HDGFL3: variants seen among roughly 807,000 people sequenced by gnomAD.
The protein encoded by HDGFL3 is hepatoma-derived growth factor-related protein 3.
A neutral mutation model predicts 27.6 loss-of-function variants in HDGFL3; 6 were observed. The ratio of observed to expected loss-of-function variants is 0.22; its 90% confidence interval spans 0.12 to 0.43. The LOEUF (loss-of-function observed/expected upper bound fraction) is 0.43, where lower values mean the gene tolerates loss of function less well. Among genes scored for constraint, HDGFL3 ranks in the 20% least tolerant of loss-of-function variants. HDGFL3 has a pLI of 1.00. For missense variants in HDGFL3, 207 were observed against 250.1 expected, an observed-to-expected ratio of 0.83 and a Z score of 1.16; for synonymous variants, 88 against 88.9, an observed-to-expected ratio of 0.99 and a Z score of 0.05.
intron 3 of HDGFL3, among the ~76,000 whole-genome samples, chr15:83,118,642 G>A (rs892512209): frequency 6.6e-6 from 1 of 152,144 alleles, no homozygotes; most frequent in Non-Finnish European, 1.5e-5. Flanking sequence ...AGAAAGCCCT[G>A]CTTGCTTGGC....
intron 4 of HDGFL3, among the ~76,000 whole-genome samples, chr15:83,151,717 G>A (rs1325869571): frequency 6.6e-6 from 1 of 152,126 alleles, no homozygotes; most frequent in African/African-American, 2.4e-5. Flanking sequence ...AGAAGTGGAA[G>A]GTACCCTAAA....
At chr15:83,139,589 A>G (rs1458273104) in intron 5 of HDGFL3, among the ~76,000 whole-genome samples, 2 of 152,192 alleles carry the variant, frequency 1.3e-5, no homozygotes, top group African/African-American at 4.8e-5. Context: ...TTATTGCTGG[A>G]ATACATCATC....
At chr15:83,176,011 T>C (rs1411921753) in intron 1 of HDGFL3, among the ~76,000 whole-genome samples, 3 of 152,272 alleles carry the variant, frequency 2.0e-5, no homozygotes, top group East Asian at 1.9e-4. Context: ...AATGGGATGA[T>C]AGGTACCTAA....
chr15:83,113,016 G>A, exon 4 of HDGFL3: 4 of 859,634 alleles, frequency 4.7e-6, no homozygotes, highest in Middle Eastern at 2.3e-4. Flanking sequence ...AACAGTGGCT[G>A]CAAGTGTAGG....
chr15:83,122,951 T>C (rs895947910), downstream of HDGFL3: 9 of 1,558,852 alleles, frequency 5.8e-6, no homozygotes, highest in African/African-American at 1.4e-5. Context: ...GGCCACTGAA[T>C]TGAACCATGC....
chr15:83,121,930 T>G, intron 3 of HDGFL3: 1 of 1,606,560 alleles, frequency 6.2e-7, no homozygotes, highest in Non-Finnish European at 8.5e-7. Context: ...GGGAAACTTA[T>G]AGAACCATTG....
chr15:83,161,695 G>T (rs567448590), intron 2 of HDGFL3, among the ~76,000 whole-genome samples: 1 of 152,172 alleles, frequency 6.6e-6, no homozygotes, highest in African/African-American at 2.4e-5. Context: ...CCGGCAAGAG[G>T]GAGCCTGAAT....
intron 1 of HDGFL3, among the ~76,000 whole-genome samples, chr15:83,188,876 G>T (rs1210635100): frequency 3.3e-5 from 5 of 152,034 alleles, no homozygotes; most frequent in African/African-American, 9.7e-5. Context: ...GTGTCTCACT[G>T]GCATTTCTAA....
chr15:83,122,048 T>A (rs1188032254), intron 3 of HDGFL3: 5 of 1,442,966 alleles, frequency 3.5e-6, no homozygotes, highest in Admixed American at 1.8e-5. Context: ...TCTAAAACAA[T>A]GGGGCTTGTT....
chr15:83,177,520 T>A, intron 1 of HDGFL3, among the ~76,000 whole-genome samples: 1 of 152,344 alleles, frequency 6.6e-6, no homozygotes, highest in East Asian at 1.9e-4. Context: ...GACACACTTT[T>A]AAAAAATTTC....
chr15:83,178,849 A>C (rs145914412), intron 1 of HDGFL3, among the ~76,000 whole-genome samples: 2 of 152,136 alleles, frequency 1.3e-5, no homozygotes. Flanking sequence ...AACTCTTCCA[A>C]TGTCACTGAG....
chr15:83,136,457 A>G lies in HDGFL3; in HGVS notation c.*2813T>C, dbSNP rs1567161942. Reference sequence around the variant, plus strand: ...ACTGAACACGTTTCATGCTTACTCAATTTTTTTTTTTTAAATGCAACAGGC... The same window carrying G: ...ACTGAACACGTTTCATGCTTACTCAGTTTTTTTTTTTTAAATGCAACAGGC... On this transcript the variant is annotated 3_prime_UTR_variant, in exon 6 of 6. Coordinates refer to ENST00000299633, the MANE Select transcript of HDGFL3 (RefSeq NM_016073.4). The G allele has an allele frequency of 2.6e-6, 3 of 1,157,836 alleles. No homozygotes were observed. The highest frequency in any genetic ancestry group is 3.6e-6 in the Non-Finnish European group (3 of 843,924). 71.7% of individuals were successfully genotyped at this position (1,157,836 alleles called of 1,614,324 possible).
At position 83,113,259 on chromosome 15, in the gene HDGFL3, T is replaced by C. The variant is rs7173386; in HGVS notation, c.*2450A>G. On this transcript the variant is annotated 3_prime_UTR_variant, in exon 4 of 4. Coordinates refer to the HDGFL3 transcript ENST00000568294. ...CAGTCCCCCCCACTTAGTGCAGAAC[T>C]TAACTGTGTGGTGTCTGGGTCTGCA... is the stretch of plus-strand genomic sequence containing the variant. The C allele has an allele frequency of 2.6e-3, 879 of 335,122 alleles. 5 individuals are homozygous for C. The highest frequency in any genetic ancestry group is 0.017 in the African/African-American group (804 of 47,920). 20.8% of individuals were successfully genotyped at this position (335,122 alleles called of 1,614,324 possible). A position where few individuals can be genotyped will look rare whatever the true frequency, so the allele number is the denominator to read the frequency against.
At chr15:83,200,559 T>C (rs558939501) in intron 1 of HDGFL3, among the ~76,000 whole-genome samples, 1 of 152,356 alleles carries the variant, frequency 6.6e-6, no homozygotes, top group Non-Finnish European at 1.5e-5. Context: ...TCTTGGGAGA[T>C]AATTATTTAG....
intron 4 of HDGFL3, 137 bp downstream of exon 4, chr15:83,157,278 G>GT: frequency 1.2e-6 from 1 of 830,572 alleles, no homozygotes; most frequent in Non-Finnish European, 1.9e-6. Flanking sequence ...TCCCTCTGCT[G>GT]TATTTTGTCC....
intron 1 of HDGFL3, chr15:83,169,190 C>A: frequency 2.3e-6 from 1 of 440,758 alleles, no homozygotes; most frequent in Non-Finnish European, 4.6e-6. Flanking sequence ...AAGCATGCCC[C>A]TCGAGAATTG....
chr15:83,162,246 G>C (rs1057314726), intron 2 of HDGFL3, among the ~76,000 whole-genome samples: 1 of 152,130 alleles, frequency 6.6e-6, no homozygotes, highest in African/African-American at 2.4e-5. Flanking sequence ...ATTCATACTT[G>C]CCAGGGCAAG....
At chr15:83,191,082 G>A (rs937578163) in intron 1 of HDGFL3, among the ~76,000 whole-genome samples, 3 of 152,046 alleles carry the variant, frequency 2.0e-5, no homozygotes, top group African/African-American at 7.2e-5. Context: ...ATCTATCTGT[G>A]GGCCGGTTTC....
chr15:83,192,552 A>G (rs1442687064), intron 1 of HDGFL3, among the ~76,000 whole-genome samples: 1 of 152,230 alleles, frequency 6.6e-6, no homozygotes, highest in Admixed American at 6.5e-5. Flanking sequence ...TAATATTTCC[A>G]TAAGTACAGG....
Sources: allele counts gnomAD v4.1 joint callset (sites outside exome capture counted in the v4.1 genomes callset), GRCh38; gene constraint gnomAD v4.1.1; transcripts MANE v1.5; gene names NCBI Gene and HGNC (gene_info 2026-07-23, HGNC 2026-07-21).